ERC1: variants seen among roughly 807,000 people sequenced by gnomAD.
The protein encoded by ERC1 is RAB6 interacting protein 2.
Under a neutral mutation model 132.0 loss-of-function variants are expected in ERC1, and 56 were observed. The ratio of observed to expected loss-of-function variants is 0.42; its 90% confidence interval spans 0.34 to 0.53. The LOEUF is 0.53. Ranked by LOEUF, ERC1 falls within the 20% of genes least tolerant of loss-of-function variation. The probability of loss-of-function intolerance (pLI) is 0.03; values close to 1 mark genes in which losing one functional copy is unlikely to be tolerated. For synonymous variants in ERC1, 478 were observed against 476.1 expected (o/e 1.00, Z -0.05); for missense variants, 1,202 against 1,349.9 (o/e 0.89, Z 1.72).
At chr12:1,250,783 G>C (rs1314535789) in intron 13 of ERC1, among the ~76,000 whole-genome samples, 1 of 152,166 alleles carries the variant, frequency 6.6e-6, no homozygotes, top group Non-Finnish European at 1.5e-5. Context: ...GCAAAGTAGA[G>C]TGGACTGAAA....
intron 18 of ERC1, among the ~76,000 whole-genome samples, chr12:1,488,686 C>T (rs974506240): frequency 6.6e-6 from 1 of 152,206 alleles, no homozygotes; most frequent in South Asian, 2.1e-4. Flanking sequence ...CTTAACTAGA[C>T]TTTATATTCC....
At chr12:1,327,040 T>A (rs987621124) in intron 15 of ERC1, among the ~76,000 whole-genome samples, 1 of 152,224 alleles carries the variant, frequency 6.6e-6, no homozygotes, top group Admixed American at 6.5e-5. Context: ...CTGGGGATTT[T>A]AAATTTAACT....
At chr12:1,259,484 T>C (rs2077006166) in intron 13 of ERC1, among the ~76,000 whole-genome samples, 1 of 151,716 alleles carries the variant, frequency 6.6e-6, no homozygotes, top group Non-Finnish European at 1.5e-5. Flanking sequence ...GTTTTCCTTT[T>C]TGTTTTTCCT....
At chr12:1,209,922 AT>A (rs1377752137) in intron 12 of ERC1, among the ~76,000 whole-genome samples, 1 of 152,180 alleles carries the variant, frequency 6.6e-6, no homozygotes, top group African/African-American at 2.4e-5. Context: ...TGGGTTTAGG[AT>A]ATCAAGGTGA....
chr12:1,483,906 C>G (rs1401062312), intron 18 of ERC1, among the ~76,000 whole-genome samples: 1 of 151,700 alleles, frequency 6.6e-6, no homozygotes, highest in Non-Finnish European at 1.5e-5. Context: ...TTTGGCCAGG[C>G]TGGCCTCAAA....
At chr12:1,314,380 T>C (rs1483029522) in intron 15 of ERC1, among the ~76,000 whole-genome samples, 1 of 152,152 alleles carries the variant, frequency 6.6e-6, no homozygotes, top group African/African-American at 2.4e-5. Context: ...AGTTCCTTTC[T>C]AAAAATGTAA....
At chr12:1,421,245 C>A (rs1173223775) in intron 17 of ERC1, among the ~76,000 whole-genome samples, 2 of 152,192 alleles carry the variant, frequency 1.3e-5, no homozygotes, top group Non-Finnish European at 2.9e-5. Flanking sequence ...ACTCGCTCAG[C>A]GGATTCTTCT....
At chr12:1,025,335 T>C (rs1164456271) in intron 1 of ERC1, among the ~76,000 whole-genome samples, 1 of 152,224 alleles carries the variant, frequency 6.6e-6, no homozygotes, top group African/African-American at 2.4e-5. Context: ...AAAATTGGCA[T>C]TTCCCGTGTA....
At chr12:1,352,201 C>T (rs1272896732) in intron 15 of ERC1, among the ~76,000 whole-genome samples, 5 of 152,180 alleles carry the variant, frequency 3.3e-5, no homozygotes, top group Admixed American at 3.3e-4. Context: ...AGGGAGCTTT[C>T]TCAGGATAGC....
chr12:1,267,202 A>G (rs2077536267), intron 14 of ERC1, among the ~76,000 whole-genome samples: 1 of 152,252 alleles, frequency 6.6e-6, no homozygotes, highest in Non-Finnish European at 1.5e-5. Context: ...ATGGAAGTGA[A>G]TGATCCCCAC....
chr12:1,003,096 C>CA (rs59507923), intron 1 of ERC1, among the ~76,000 whole-genome samples: 61,081 of 86,836 alleles, frequency 0.7, 23,304 homozygotes, highest in East Asian at 0.95. Context: ...ATGAAAAATG[C>CA]AAAAAAAAAA....
Position 1,416,600 on chromosome 12 carries a change from TA to T in ERC1, c.3024+8355del, listed in dbSNP as rs754303019. Among the ~76,000 whole-genome samples, 5 of 152,350 alleles carry T rather than the reference TA, an allele frequency of 3.3e-5. No homozygotes were observed. In the South Asian group the frequency reaches 8.3e-4, roughly 25 times the overall value. On this transcript the variant is annotated intron_variant, in intron 17 of 18. Transcript: ENST00000360905. ...TAAGCTTTACAGAGAATTAAAGTAG[TA>T]ATCAGCTGCCTTTGGACGTTGTCTG...
At chr12:1,066,235 G>T (rs1353919097) in intron 2 of ERC1, among the ~76,000 whole-genome samples, 2 of 152,036 alleles carry the variant, frequency 1.3e-5, no homozygotes, top group South Asian at 2.1e-4. Flanking sequence ...ACAAATATTC[G>T]CTATGGCGAT....
At chr12:1,214,006 TG>T (rs1958137365) in intron 12 of ERC1, among the ~76,000 whole-genome samples, 2 of 152,250 alleles carry the variant, frequency 1.3e-5, no homozygotes, top group African/African-American at 4.8e-5. Flanking sequence ...GCTGCACTTT[TG>T]GAAAGAAAAA....
intron 9 of ERC1, among the ~76,000 whole-genome samples, chr12:1,181,614 C>T (rs536537739): frequency 2.0e-4 from 30 of 152,094 alleles, no homozygotes; most frequent in Admixed American, 6.5e-4. Context: ...GCCTGACCAA[C>T]GTGGAGAAAC....
intron 13 of ERC1, among the ~76,000 whole-genome samples, chr12:1,249,225 A>G (rs762084978): frequency 6.6e-6 from 1 of 152,200 alleles, no homozygotes; most frequent in Non-Finnish European, 1.5e-5. Context: ...ATGTGTTATA[A>G]TACAAGTACA....
At chr12:1,405,513 G>A (rs2091421662) in intron 16 of ERC1, among the ~76,000 whole-genome samples, 1 of 151,996 alleles carries the variant, frequency 6.6e-6, no homozygotes, top group Non-Finnish European at 1.5e-5. Flanking sequence ...AGACCAGCAA[G>A]GCCAACATAG....
chr12:1,266,508 C>G (rs1469451953), intron 14 of ERC1, among the ~76,000 whole-genome samples: 1 of 146,880 alleles, frequency 6.8e-6, no homozygotes, highest in Non-Finnish European at 1.5e-5. Context: ...GGGTTCAAGC[C>G]ATTCTCCTGC....
At chr12:1,338,859 G>A (rs765587299) in intron 15 of ERC1, among the ~76,000 whole-genome samples, 103 of 152,270 alleles carry the variant, frequency 6.8e-4, no homozygotes, top group Admixed American at 1.8e-3. Context: ...CTAACTTTGG[G>A]GGACTTATAT....
Sources: gnomAD v4.1 joint callset for allele counts (sites outside exome capture counted in the v4.1 genomes callset) on GRCh38, gnomAD v4.1.1 for gene constraint, MANE v1.5 for transcripts, NCBI Gene and HGNC (gene_info 2026-07-23, HGNC 2026-07-21) for gene names.